Variants in PTPRD observed in about 807,000 individuals in gnomAD.
PTPRD encodes the protein protein tyrosine phosphatase receptor type D.
A neutral mutation model predicts 214.5 loss-of-function variants in PTPRD; 34 were observed. The observed-to-expected ratio is 0.16, with a 90% CI of 0.12 to 0.21. PTPRD has a LOEUF of 0.21. PTPRD is among the 10% of genes least tolerant of loss of function. The pLI, the probability that PTPRD is intolerant of heterozygous loss-of-function variation, is 1.00. For missense variants in PTPRD, 2,545 were observed against 2,398.7 expected, an observed-to-expected ratio of 1.06 and a Z score of -1.27; for synonymous variants, 1,128 against 845.7, an observed-to-expected ratio of 1.33 and a Z score of -5.79.
At chr9:9,560,891 C>G (rs986531029) in intron 8 of PTPRD, among the ~76,000 whole-genome samples, 2 of 152,132 alleles carry the variant, frequency 1.3e-5, no homozygotes, top group Non-Finnish European at 1.5e-5. Flanking sequence ...CCTTCATGGT[C>G]AGTAGCTTAA....
chr9:10,312,365 CAATT>C (rs1467334873), intron 3 of PTPRD, among the ~76,000 whole-genome samples: 4 of 151,868 alleles, frequency 2.6e-5, no homozygotes, highest in Non-Finnish European at 5.9e-5. Context: ...AGCACATACA[CAATT>C]AAATAGTATT....
chr9:10,385,982 C>G (rs778650780), intron 2 of PTPRD, among the ~76,000 whole-genome samples: 3 of 151,656 alleles, frequency 2.0e-5, no homozygotes, highest in African/African-American at 4.8e-5. Context: ...AATTATTTCT[C>G]TAAGTTGTCA....
At chr9:9,069,923 G>C (rs545027608) in intron 10 of PTPRD, among the ~76,000 whole-genome samples, 3 of 152,194 alleles carry the variant, frequency 2.0e-5, no homozygotes, top group South Asian at 4.1e-4. Flanking sequence ...TTCACCAGTG[G>C]AGAAAAAGAA....
At chr9:9,920,999 T>A (rs2082394647) in intron 5 of PTPRD, among the ~76,000 whole-genome samples, 1 of 152,118 alleles carries the variant, frequency 6.6e-6, no homozygotes, top group Non-Finnish European at 1.5e-5. Flanking sequence ...ATCAATTCAT[T>A]ACTACTTTCA....
chr9:8,909,145 C>T (rs887454358), intron 11 of PTPRD, among the ~76,000 whole-genome samples: 2 of 151,864 alleles, frequency 1.3e-5, no homozygotes, highest in African/African-American at 4.8e-5. Context: ...TAAAAATCTT[C>T]TCATAAAGAT....
chr9:9,077,846 A>G (rs891866638), intron 10 of PTPRD, among the ~76,000 whole-genome samples: 1 of 152,114 alleles, frequency 6.6e-6, no homozygotes, highest in Non-Finnish European at 1.5e-5. Flanking sequence ...TTTGTATTCA[A>G]ATAGTCCCTC....
chr9:10,210,102 C>G (rs1390209395), intron 3 of PTPRD, among the ~76,000 whole-genome samples: 1 of 152,034 alleles, frequency 6.6e-6, no homozygotes, highest in Non-Finnish European at 1.5e-5. Flanking sequence ...CTATTCATTT[C>G]TACAAATTAA....
At chr9:10,535,665 C>T (rs972606758) in intron 2 of PTPRD, among the ~76,000 whole-genome samples, 1 of 150,420 alleles carries the variant, frequency 6.6e-6, no homozygotes. Context: ...TGGTTGATAA[C>T]CATTAAGTGA....
At chr9:9,832,247 A>ATT (rs2055115276) in intron 5 of PTPRD, among the ~76,000 whole-genome samples, 1 of 152,014 alleles carries the variant, frequency 6.6e-6, no homozygotes, top group South Asian at 2.1e-4. Flanking sequence ...GTAGCAGACG[A>ATT]AAGAGTATCT....
At chr9:9,159,021 A>G (rs577775669) in intron 10 of PTPRD, among the ~76,000 whole-genome samples, 1 of 152,348 alleles carries the variant, frequency 6.6e-6, no homozygotes, top group East Asian at 1.9e-4. Flanking sequence ...CTTTCATAAT[A>G]AAATCTAATA....
intron 39 of PTPRD, among the ~76,000 whole-genome samples, chr9:8,353,340 G>T (rs935690869): frequency 1.3e-5 from 2 of 152,224 alleles, no homozygotes; most frequent in Middle Eastern, 3.4e-3. Flanking sequence ...GTAGAGGCCT[G>T]TTATGGCTTC....
rs1453434659 is a variant in PTPRD at position 9,083,844 on chromosome 9, CACA to C, written c.-142-65112_-142-65110del. Among the ~76,000 whole-genome samples, 10 of 152,142 alleles carry C rather than the reference CACA, an allele frequency of 6.6e-5. No individual in the cohort carries two copies. In the East Asian group the frequency reaches 1.7e-3, roughly 27 times the overall value. On this transcript the variant is annotated intron_variant, in intron 10 of 45. Transcript: ENST00000381196. ...TTATTACAGTAATGCAAATCAAAAC[CACA>C]ACAAGACACCATCTCACACCAGTTA... is the stretch of plus-strand genomic sequence containing the variant.
chr9:8,820,145 A>G (rs936216522), intron 11 of PTPRD, among the ~76,000 whole-genome samples: 25 of 152,202 alleles, frequency 1.6e-4, no homozygotes, highest in African/African-American at 5.3e-4. Flanking sequence ...ATATATACAT[A>G]TATGTTTATA....
At chr9:9,360,024 C>A (rs144485521) in intron 9 of PTPRD, among the ~76,000 whole-genome samples, 62 of 151,334 alleles carry the variant, frequency 4.1e-4, no homozygotes, top group African/African-American at 1.4e-3. Context: ...GGTTACAGTT[C>A]ATTTTACAAA....
chr9:10,578,956 G>A (rs965945059), intron 2 of PTPRD, among the ~76,000 whole-genome samples: 4 of 151,712 alleles, frequency 2.6e-5, no homozygotes, highest in African/African-American at 4.8e-5. Context: ...TGCAGAATGT[G>A]CAGGTTTGTT....
chr9:8,930,907 A>G (rs2098948061), intron 11 of PTPRD, among the ~76,000 whole-genome samples: 1 of 152,248 alleles, frequency 6.6e-6, no homozygotes, highest in African/African-American at 2.4e-5. Context: ...CCCATTCTGT[A>G]GGTCGCCTGT....
rs551979933 is a variant in PTPRD, at chr9:10,607,051, T to A, written c.-600+5347A>T. 2.0e-5 allele frequency among the ~76,000 whole-genome samples: 3 copies of A among 152,004 alleles called. No homozygotes were observed. The South Asian group carries it at 6.2e-4, about 31-fold the overall frequency. On this transcript the variant is annotated intron_variant, in intron 2 of 45. Transcript: ENST00000381196. ...CAATGATTCATACAAGGCATCCCAG[T>A]AGAAAAGACACACATTTAATTTAAG...
chr9:9,783,702 C>T (rs2098886671), intron 5 of PTPRD, among the ~76,000 whole-genome samples: 2 of 152,020 alleles, frequency 1.3e-5, no homozygotes, highest in South Asian at 4.1e-4. Context: ...GCCAGTTCCT[C>T]CCCTCCCAAG....
intron 9 of PTPRD, among the ~76,000 whole-genome samples, chr9:9,352,428 C>A (rs1397017626): frequency 6.7e-6 from 1 of 149,858 alleles, no homozygotes; most frequent in African/African-American, 2.5e-5. Flanking sequence ...TCCCAATAAT[C>A]AATATTTAAT....
Sources: gnomAD v4.1 joint callset for allele counts (sites outside exome capture counted in the v4.1 genomes callset) on GRCh38, gnomAD v4.1.1 for gene constraint, MANE v1.5 for transcripts, NCBI Gene and HGNC (gene_info 2026-07-23, HGNC 2026-07-21) for gene names.